NRXN1: variants seen among roughly 807,000 people sequenced by gnomAD.
NRXN1 encodes neurexin 1.
In NRXN1, 39 loss-of-function variants were observed where a neutral mutation model predicts 150.9. The ratio of observed to expected loss-of-function variants is 0.26; its 90% CI spans 0.20 to 0.34. NRXN1 has a LOEUF of 0.34. Ranked by LOEUF, NRXN1 falls within the 10% of genes least tolerant of loss-of-function variation. The pLI is 1.00. For synonymous variants in NRXN1, 924 were observed against 757.0 expected, an observed-to-expected ratio of 1.22 and a Z score of -3.62; for missense variants, 1,815 against 1,949.9, an observed-to-expected ratio of 0.93 and a Z score of 1.30.
chr2:50,825,150 G>C lies in NRXN1; in HGVS notation c.832+96719C>G, dbSNP rs1277654549. ...CACCCACATCCTTGGCACAGTTCAT[G>C]GGCTTGAATTGTAACCGGGAAGAAG... is the stretch of plus-strand genomic sequence containing the variant. On this transcript the variant is annotated intron_variant, in intron 5 of 22. Coordinates refer to ENST00000401669, the MANE Select transcript of NRXN1 (RefSeq NM_001330078.2). Among the ~76,000 whole-genome samples, 4 of 152,304 alleles carry C rather than the reference G, an allele frequency of 2.6e-5. No homozygotes were observed. The East Asian group carries it at 7.7e-4, about 29-fold the overall frequency.
At chr2:50,697,382 G>T (rs751122364) in intron 5 of NRXN1, among the ~76,000 whole-genome samples, 2 of 152,172 alleles carry the variant, frequency 1.3e-5, no homozygotes, top group Non-Finnish European at 2.9e-5. Flanking sequence ...ACAAAAGTTG[G>T]AAAGAGTGTT....
intron 15 of NRXN1, among the ~76,000 whole-genome samples, chr2:50,487,640 T>C (rs1229023292): frequency 1.3e-5 from 2 of 152,200 alleles, no homozygotes; most frequent in Non-Finnish European, 2.9e-5. Flanking sequence ...GACCCATGGC[T>C]CAAGAGGAAT....
At chr2:50,650,762 T>C (rs943082339) in intron 5 of NRXN1, among the ~76,000 whole-genome samples, 5 of 152,070 alleles carry the variant, frequency 3.3e-5, no homozygotes, top group African/African-American at 1.2e-4. Context: ...TCATAGCCTA[T>C]TTTAAAACTC....
At chr2:50,825,001 A>G (rs1053041623) in intron 5 of NRXN1, among the ~76,000 whole-genome samples, 12 of 152,204 alleles carry the variant, frequency 7.9e-5, no homozygotes, top group Non-Finnish European at 1.8e-4. Flanking sequence ...GATACACTAT[A>G]GAGAAGAAAA....
Position 50,552,713 on chromosome 2 carries a change from T to A in NRXN1, c.1633A>T (p.Met545Leu). 7 of 1,613,970 alleles carry A rather than the reference T, an allele frequency of 4.3e-6. No homozygotes were observed. Among genetic ancestry groups the A allele is most frequent in the South Asian group, 1.1e-5 (1 of 91,082 alleles). Reference protein sequence around the residue: ...MIKVDFFAIEMLDGHLYLLLD... With the variant: ...MIKVDFFAIELLDGHLYLLLD... The stretch of plus-strand genomic sequence containing the variant: ...AGGAGGTAGAGGTGGCCATCTAGCA[T>A]CTCAATAGCAAAGAAGTCCACCTTT... Residue 545 changes from methionine (M) to leucine (L), a missense_variant, in exon 9 of 23, where the codon ATG (methionine) becomes TTG (leucine). Physicochemically the swap from Met to Leu is conservative, Grantham distance 15. Transcript: ENST00000401669.
At chr2:50,386,931 T>C (rs2081366553) in intron 17 of NRXN1, among the ~76,000 whole-genome samples, 1 of 152,134 alleles carries the variant, frequency 6.6e-6, no homozygotes. Flanking sequence ...CAATACTCCA[T>C]GAGAGCTAAT....
chr2:49,920,946 A>G lies in NRXN1; in HGVS notation c.*998T>C, dbSNP rs185240568. ...CATACATATCTTCCTTAGAATAAACACTACACTGTAATTTCTTTAAAAAAT... is the reference window on the plus strand; with the variant it reads ...CATACATATCTTCCTTAGAATAAACGCTACACTGTAATTTCTTTAAAAAAT... On this transcript the variant is annotated 3_prime_UTR_variant, in exon 23 of 23. Coordinates refer to ENST00000401669, the MANE Select transcript of NRXN1 (RefSeq NM_001330078.2). 2.0e-3 allele frequency: 301 copies of G among 148,910 alleles called. 2 individuals are homozygous for G. The highest frequency in any genetic ancestry group is 7.1e-3 in the African/African-American group (286 of 40,170). 9.2% of individuals were successfully genotyped at this position (148,910 alleles called of 1,614,324 possible). A position where few individuals can be genotyped will look rare whatever the true frequency, so the allele number is the denominator to read the frequency against.
chr2:50,362,078 T>C (rs116680693), intron 17 of NRXN1, among the ~76,000 whole-genome samples: 1,776 of 152,192 alleles, frequency 0.012, 30 homozygotes, highest in African/African-American at 0.041. Flanking sequence ...ATCAATAAAC[T>C]AGGTATTGGT....
chr2:50,426,201 C>G (rs1391301442), intron 17 of NRXN1, among the ~76,000 whole-genome samples: 1 of 152,048 alleles, frequency 6.6e-6, no homozygotes, highest in Non-Finnish European at 1.5e-5. Flanking sequence ...CTTAAAAGAC[C>G]AACTCTAGGA....
chr2:51,012,925 C>G (rs531729402), intron 2 of NRXN1, among the ~76,000 whole-genome samples: 2 of 151,990 alleles, frequency 1.3e-5, no homozygotes. Flanking sequence ...ATCTCATCCT[C>G]CTCCAGGAAC....
intron 12 of NRXN1, 22 bp from the exon 13 acceptor site, chr2:50,506,639 C>T (rs781702728): frequency 3.1e-6 from 5 of 1,609,924 alleles, no homozygotes; most frequent in Admixed American, 1.7e-5. Flanking sequence ...GCCAAACAGT[C>T]ATTATGGACA....
At chr2:50,323,169 T>C (rs534813283) in intron 17 of NRXN1, among the ~76,000 whole-genome samples, 1 of 152,302 alleles carries the variant, frequency 6.6e-6, no homozygotes, top group South Asian at 2.1e-4. Flanking sequence ...TGTCATTCCT[T>C]GAGTAATACA....
intron 21 of NRXN1, chr2:49,973,623 AC>A: frequency 3.4e-6 from 1 of 292,076 alleles, no homozygotes; most frequent in African/African-American, 2.2e-5. Context: ...ATGCACACAC[AC>A]ACACACACAC....
chr2:50,784,270 G>C (rs1704778825), intron 5 of NRXN1, among the ~76,000 whole-genome samples: 2 of 151,938 alleles, frequency 1.3e-5, no homozygotes, highest in Admixed American at 1.3e-4. Context: ...TTTATCAAAG[G>C]GTCAGATGGA....
intron 8 of NRXN1, among the ~76,000 whole-genome samples, chr2:50,603,103 A>G (rs958921649): frequency 2.0e-5 from 3 of 152,216 alleles, no homozygotes; most frequent in Non-Finnish European, 4.4e-5. Flanking sequence ...TTATTTAAAA[A>G]TGGACTATGA....
chr2:50,955,383 T>C (rs1424810845), intron 2 of NRXN1, among the ~76,000 whole-genome samples: 1 of 152,234 alleles, frequency 6.6e-6, no homozygotes, highest in East Asian at 1.9e-4. Flanking sequence ...ATTCTGTAAC[T>C]GCTGGTTACA....
intron 2 of NRXN1, among the ~76,000 whole-genome samples, chr2:50,944,229 G>A (rs1689949750): frequency 6.6e-6 from 1 of 152,092 alleles, no homozygotes; most frequent in Admixed American, 6.6e-5. Context: ...AAGTTGAGAA[G>A]GGCTGATCCA....
intron 8 of NRXN1, among the ~76,000 whole-genome samples, chr2:50,604,200 G>A (rs1034544124): frequency 1.3e-5 from 2 of 152,176 alleles, no homozygotes; most frequent in African/African-American, 4.8e-5. Flanking sequence ...ATCCATGGCA[G>A]TGAATAATAA....
chr2:50,651,517 G>GACATAACATA (rs1311029032), intron 5 of NRXN1, among the ~76,000 whole-genome samples: 3 of 134,638 alleles, frequency 2.2e-5, no homozygotes, highest in Non-Finnish European at 3.3e-5. Flanking sequence ...GACATAACAT[G>GACATAACATA]ACATAACATA....
Sources: allele counts gnomAD v4.1 joint callset (sites outside exome capture counted in the v4.1 genomes callset), GRCh38; gene constraint gnomAD v4.1.1; transcripts MANE v1.5; gene names NCBI Gene and HGNC (gene_info 2026-07-23, HGNC 2026-07-21).